Variants in TCAIM observed in about 807,000 individuals in gnomAD.
The protein encoded by TCAIM is T cell activation inhibitor, mitochondrial, also known as T-cell activation inhibitor, mitochondrial.
In TCAIM, 36 loss-of-function variants were observed where a neutral mutation model predicts 58.6. That is an observed-to-expected ratio of 0.61 (90% CI 0.47 to 0.81). The LOEUF is 0.81. Ranked by LOEUF, TCAIM falls within the 30% of genes least tolerant of loss-of-function variation. The pLI, the probability that TCAIM is intolerant of heterozygous loss-of-function variation, is 0.00. For synonymous variants in TCAIM, 172 were observed against 193.6 expected (o/e 0.89, Z 0.93); for missense variants, 466 against 579.6 (o/e 0.80, Z 2.01).
intron 5 of TCAIM, among the ~76,000 whole-genome samples, chr3:44,385,292 T>G (rs770766582): frequency 3.3e-5 from 5 of 152,232 alleles, no homozygotes; most frequent in Admixed American, 1.3e-4. Context: ...GAAAATGTCC[T>G]GATGGGTATG....
intron 5 of TCAIM, among the ~76,000 whole-genome samples, chr3:44,388,664 A>G (rs1701782834): frequency 6.6e-6 from 1 of 152,164 alleles, no homozygotes; most frequent in Non-Finnish European, 1.5e-5. Context: ...ACTTGCTCTA[A>G]TATTCATTGA....
intron 5 of TCAIM, chr3:44,367,979 GATTGTTTTGTTTAACTTTTAA>G (rs1701408386): frequency 3.0e-6 from 1 of 329,136 alleles, no homozygotes; most frequent in Non-Finnish European, 5.5e-6. Context: ...ACATGCAGGA[GATTGTTTTGTTTAACTTTTAA>G]AAATTCTATT....
chr3:44,373,927 A>G (rs1039876495), intron 5 of TCAIM, among the ~76,000 whole-genome samples: 7 of 152,316 alleles, frequency 4.6e-5, no homozygotes, highest in Middle Eastern at 6.8e-3. Context: ...ATCCCACTGA[A>G]CAAACATGTC....
intron 1 of TCAIM, chr3:44,339,923 A>T (rs1020071191): frequency 6.6e-6 from 1 of 152,202 alleles, no homozygotes. Context: ...GACCTGGCCC[A>T]TAAGTGGTGA....
intron 5 of TCAIM, among the ~76,000 whole-genome samples, chr3:44,379,253 A>G (rs1302105492): frequency 6.6e-6 from 1 of 152,170 alleles, no homozygotes; most frequent in Non-Finnish European, 1.5e-5. Context: ...AGAAAAGGGA[A>G]TGCTTATTTA....
At chr3:44,376,555 A>G (rs1199569290) in intron 5 of TCAIM, among the ~76,000 whole-genome samples, 3 of 152,172 alleles carry the variant, frequency 2.0e-5, no homozygotes, top group Non-Finnish European at 4.4e-5. Flanking sequence ...ATAAGAAAAT[A>G]ACTAAAGAAT....
At chr3:44,349,549 A>T (rs976721297) in intron 1 of TCAIM, among the ~76,000 whole-genome samples, 4 of 151,898 alleles carry the variant, frequency 2.6e-5, no homozygotes, top group Non-Finnish European at 5.9e-5. Context: ...GGGGATACTT[A>T]CCCCCCAGGG....
intron 5 of TCAIM, among the ~76,000 whole-genome samples, chr3:44,370,367 A>G (rs1701444906): frequency 6.6e-6 from 1 of 151,796 alleles, no homozygotes; most frequent in African/African-American, 2.4e-5. Flanking sequence ...GAGGCAGGAG[A>G]ATCGCTTGAA....
chr3:44,396,770 C>A lies in TCAIM; in HGVS notation c.821C>A (p.Ser274Tyr). ...KGCTIIFTDR[S>Y]GMSAVGHVML... ...TGTACAATCATATTTACAGACCGTTCTGGCATGAGTGCAGTGGGCCATGTG... is the reference window on the plus strand; with the variant it reads ...TGTACAATCATATTTACAGACCGTTATGGCATGAGTGCAGTGGGCCATGTG... Residue 274 changes from serine (S) to tyrosine (Y), a missense_variant, in exon 8 of 11, where the codon TCT (serine) becomes TAT (tyrosine). By Grantham distance (144) the Ser-to-Tyr change is moderately radical. Coordinates refer to ENST00000342649, the MANE Select transcript of TCAIM (RefSeq NM_173826.4). The A allele has an allele frequency of 6.2e-7, 1 of 1,614,170 alleles. No homozygotes were observed.
At chr3:44,390,613 A>G (rs553163828) in intron 5 of TCAIM, among the ~76,000 whole-genome samples, 2 of 152,228 alleles carry the variant, frequency 1.3e-5, no homozygotes, top group South Asian at 4.1e-4. Context: ...ACATAGGTAG[A>G]CCCCATCTCA....
intron 2 of TCAIM, 38 bp downstream of exon 2, chr3:44,354,849 C>T (rs745466737): frequency 1.9e-5 from 30 of 1,596,010 alleles, no homozygotes; most frequent in Middle Eastern, 3.3e-4. Flanking sequence ...AGTATTGTGG[C>T]GGGGGGAGGT....
intron 3 of TCAIM, chr3:44,358,546 A>G (rs961839397): frequency 3.4e-5 from 13 of 376,878 alleles, no homozygotes; most frequent in African/African-American, 2.6e-4. Flanking sequence ...AACTACTTAC[A>G]TAGCACTTAC....
chr3:44,352,799 C>T (rs987294891), intron 1 of TCAIM, among the ~76,000 whole-genome samples: 3 of 152,114 alleles, frequency 2.0e-5, no homozygotes, highest in South Asian at 2.1e-4. Context: ...CCCTCCCTAT[C>T]GATTAACCAC....
At chr3:44,398,832 C>A (rs988459419) in intron 8 of TCAIM, among the ~76,000 whole-genome samples, 1 of 152,174 alleles carries the variant, frequency 6.6e-6, no homozygotes, top group African/African-American at 2.4e-5. Flanking sequence ...TAGGATTCTA[C>A]TCAGCAATGA....
intron 2 of TCAIM, among the ~76,000 whole-genome samples, chr3:44,356,169 A>G (rs1439760026): frequency 6.6e-6 from 1 of 152,258 alleles, no homozygotes; most frequent in Non-Finnish European, 1.5e-5. Flanking sequence ...ACTTTTCTAA[A>G]GACTTGTCAC....
rs527846097 is a variant in TCAIM at position 44,355,691 on chromosome 3, T to C, written c.29+880T>C. Among the ~76,000 whole-genome samples the C allele has an allele frequency of 1.8e-4, 27 of 152,318 alleles. No homozygotes were observed. In the East Asian group the frequency reaches 4.0e-3, roughly 23 times the overall value. ...TAGTGAATGGGGGTAGTGAACTAAT[T>C]TGGGTTTTGTGCTTTGCAACATTGA... is the stretch of plus-strand genomic sequence containing the variant. On this transcript the variant is annotated intron_variant, in intron 2 of 10. Transcript: ENST00000342649.
At chr3:44,395,936 G>A (rs571124540) in intron 6 of TCAIM, among the ~76,000 whole-genome samples, 10 of 152,306 alleles carry the variant, frequency 6.6e-5, no homozygotes, top group African/African-American at 1.4e-4. Flanking sequence ...GCAGTGAGCC[G>A]TGATTACACC....
At chr3:44,379,095 G>A (rs2125644418) in intron 5 of TCAIM, among the ~76,000 whole-genome samples, 1 of 151,878 alleles carries the variant, frequency 6.6e-6, no homozygotes, top group African/African-American at 2.4e-5. Context: ...GGGCCTCGGT[G>A]GGGAGGGTGG....
chr3:44,407,753 T>A lies in TCAIM; in HGVS notation c.*71T>A. On this transcript the variant is annotated 3_prime_UTR_variant, in exon 11 of 11. Transcript: ENST00000342649. The stretch of plus-strand genomic sequence containing the variant: ...AATTAAAAATATTTAAATCCACAAT[T>A]TGATATAACAGTATTATTTACATAA... The A allele has an allele frequency of 7.1e-7, 1 of 1,409,410 alleles. No individual in the cohort carries two copies. 87.3% of individuals were successfully genotyped at this position (1,409,410 alleles called of 1,614,324 possible). A position where few individuals can be genotyped will look rare whatever the true frequency, so the allele number is the denominator to read the frequency against.
Sources: allele counts gnomAD v4.1 joint callset (sites outside exome capture counted in the v4.1 genomes callset), GRCh38; gene constraint gnomAD v4.1.1; transcripts MANE v1.5; gene names NCBI Gene and HGNC (gene_info 2026-07-23, HGNC 2026-07-21).